MEGF11: variants seen among roughly 807,000 people sequenced by gnomAD.
MEGF11 encodes the protein multiple EGF like domains 11.
In MEGF11, 126 loss-of-function variants were observed where a neutral mutation model predicts 146.6. The observed-to-expected ratio is 0.86, with a 90% CI of 0.74 to 1.00. MEGF11 has a LOEUF of 1.00. Ranked by LOEUF, MEGF11 falls within the 50% of genes least tolerant of loss-of-function variation. The pLI, the probability that MEGF11 is intolerant of heterozygous loss-of-function variation, is 0.00. For missense variants in MEGF11, 1,509 were observed against 1,521.2 expected (o/e 0.99, Z 0.13); for synonymous variants, 532 against 583.4 (o/e 0.91, Z 1.27).
chr15:65,954,849 C>T (rs906883606), intron 10 of MEGF11, among the ~76,000 whole-genome samples: 15 of 152,246 alleles, frequency 9.9e-5, no homozygotes, highest in Admixed American at 8.5e-4. Context: ...AGTAGGCAGG[C>T]AACTGGGGAT....
chr15:66,084,168 C>T (rs922845344), intron 5 of MEGF11, among the ~76,000 whole-genome samples: 21 of 152,092 alleles, frequency 1.4e-4, no homozygotes, highest in African/African-American at 4.8e-4. Context: ...ATCGTATATG[C>T]GGTCAGTCAC....
At chr15:66,131,570 G>C (rs1042083124) in intron 1 of MEGF11, among the ~76,000 whole-genome samples, 6 of 152,166 alleles carry the variant, frequency 3.9e-5, no homozygotes, top group Admixed American at 1.3e-4. Flanking sequence ...ACCAGACAGC[G>C]GAGAGCTTGC....
At chr15:66,004,015 AC>A (rs2082446234) in intron 5 of MEGF11, among the ~76,000 whole-genome samples, 1 of 152,192 alleles carries the variant, frequency 6.6e-6, no homozygotes, top group South Asian at 2.1e-4. Context: ...AGGCTGAGGA[AC>A]TTTTCCAGTG....
intron 5 of MEGF11, among the ~76,000 whole-genome samples, chr15:66,000,593 A>G (rs1227847402): frequency 6.6e-6 from 1 of 152,000 alleles, no homozygotes; most frequent in Non-Finnish European, 1.5e-5. Flanking sequence ...TCCCCACTGT[A>G]TACACAATCC....
intron 1 of MEGF11, among the ~76,000 whole-genome samples, chr15:66,245,640 C>T (rs1372837216): frequency 6.6e-6 from 1 of 151,934 alleles, no homozygotes; most frequent in Non-Finnish European, 1.5e-5. Context: ...CAAAAACAAA[C>T]CAAAACCAAT....
chr15:66,039,793 AGGCGGC>A (rs774234890), intron 5 of MEGF11, among the ~76,000 whole-genome samples: 3,468 of 131,876 alleles, frequency 0.026, 152 homozygotes, highest in South Asian at 0.041. Context: ...GAGCCGGGTC[AGGCGGC>A]GGTGGGGTGA....
At chr15:66,041,241 G>A (rs930883075) in intron 5 of MEGF11, among the ~76,000 whole-genome samples, 7 of 152,140 alleles carry the variant, frequency 4.6e-5, no homozygotes, top group African/African-American at 1.4e-4. Flanking sequence ...TAAGTTGATC[G>A]ACTGGGCAAG....
At chr15:66,229,428 C>G (rs2091919516) in intron 1 of MEGF11, among the ~76,000 whole-genome samples, 1 of 152,160 alleles carries the variant, frequency 6.6e-6, no homozygotes, top group Non-Finnish European at 1.5e-5. Context: ...AAATGTGGGC[C>G]TGGAGTTGCA....
chr15:65,917,869 G>T, intron 16 of MEGF11, 97 bp downstream of exon 16: 1 of 1,453,294 alleles, frequency 6.9e-7, no homozygotes, highest in East Asian at 2.3e-5. Context: ...TTCATCCCTG[G>T]AAGTGGAGGC....
At chr15:65,926,576 A>G (rs1175011750) in intron 13 of MEGF11, among the ~76,000 whole-genome samples, 1 of 152,216 alleles carries the variant, frequency 6.6e-6, no homozygotes, top group Non-Finnish European at 1.5e-5. Flanking sequence ...AGTTAGGCAC[A>G]GATTTTTCTT....
intron 13 of MEGF11, among the ~76,000 whole-genome samples, chr15:65,927,424 T>C (rs1028467952): frequency 1.3e-5 from 2 of 152,220 alleles, no homozygotes; most frequent in African/African-American, 4.8e-5. Context: ...ATAAGGCAGA[T>C]GCCTCCATAT....
At chr15:66,008,202 C>A (rs1457657755) in intron 5 of MEGF11, among the ~76,000 whole-genome samples, 1 of 152,050 alleles carries the variant, frequency 6.6e-6, no homozygotes, top group Non-Finnish European at 1.5e-5. Flanking sequence ...ATAGAAAGAA[C>A]CACAAATACA....
chr15:66,233,665 G>A (rs2092021946), intron 1 of MEGF11, among the ~76,000 whole-genome samples: 1 of 152,146 alleles, frequency 6.6e-6, no homozygotes, highest in African/African-American at 2.4e-5. Context: ...CATTCCCTGA[G>A]TGCCCCACTT....
chr15:66,083,537 G>A (rs953394061), intron 5 of MEGF11, among the ~76,000 whole-genome samples: 2 of 152,028 alleles, frequency 1.3e-5, no homozygotes, highest in African/African-American at 2.4e-5. Flanking sequence ...AGAAACCACA[G>A]GGGTAAAGCG....
Position 66,032,114 on chromosome 15 carries a change from T to C in MEGF11, c.395-49626A>G, listed in dbSNP as rs542167660. Among the ~76,000 whole-genome samples the C allele has an allele frequency of 5.9e-5, 9 of 152,274 alleles. No homozygotes were observed. The South Asian group carries it at 1.9e-3, about 32-fold the overall frequency. ...ATAGAACAGTTCCATCCTGAAACCA[T>C]CCCCTTCATGGAAAAATTGTCCTCC... On this transcript the variant is annotated intron_variant, in intron 5 of 25. Coordinates refer to ENST00000395614, the MANE Select transcript of MEGF11 (RefSeq NM_001385028.1).
Position 66,013,312 on chromosome 15 carries a change from G to T in MEGF11, c.395-30824C>A, listed in dbSNP as rs533927732. 3.3e-5 allele frequency among the ~76,000 whole-genome samples: 5 copies of T among 152,300 alleles called. No individual in the cohort carries two copies. The South Asian group carries it at 1.0e-3, about 32-fold the overall frequency. ...AGCCTCACCCTCCCACTCAGGCTCT[G>T]TGCTTGCTTTGCCATTATCCTCTGT... On this transcript the variant is annotated intron_variant, in intron 5 of 25. Coordinates refer to ENST00000395614, the MANE Select transcript of MEGF11 (RefSeq NM_001385028.1).
intron 4 of MEGF11, among the ~76,000 whole-genome samples, chr15:66,111,233 A>T (rs996549449): frequency 3.9e-5 from 6 of 152,186 alleles, no homozygotes; most frequent in Non-Finnish European, 7.3e-5. Flanking sequence ...GACATTACAC[A>T]ATTGTCATTA....
intron 5 of MEGF11, among the ~76,000 whole-genome samples, chr15:66,083,516 T>C (rs1209316268): frequency 1.3e-5 from 2 of 151,884 alleles, no homozygotes; most frequent in Admixed American, 1.3e-4. Flanking sequence ...AGCATACCTA[T>C]AAAACTCAGA....
At chr15:66,182,572 G>A (rs1427940849) in intron 1 of MEGF11, among the ~76,000 whole-genome samples, 1 of 152,066 alleles carries the variant, frequency 6.6e-6, no homozygotes, top group Non-Finnish European at 1.5e-5. Context: ...ATTATTCGCA[G>A]GGAGAAAAAA....
Sources: allele counts gnomAD v4.1 joint callset (sites outside exome capture counted in the v4.1 genomes callset), GRCh38; gene constraint gnomAD v4.1.1; transcripts MANE v1.5; gene names NCBI Gene and HGNC (gene_info 2026-07-23, HGNC 2026-07-21).